Variants in NRXN1 observed in about 807,000 individuals in gnomAD.
NRXN1 encodes the protein neurexin 1, also known as neurexin-1.
A neutral mutation model predicts 150.9 loss-of-function variants in NRXN1; 39 were observed. The observed-to-expected ratio is 0.26, with a 90% CI of 0.20 to 0.34. The LOEUF (loss-of-function observed/expected upper bound fraction) is 0.34. NRXN1 is among the 10% of genes least tolerant of loss of function. NRXN1 has a pLI of 1.00. For missense variants in NRXN1, 1,815 were observed against 1,949.9 expected (o/e 0.93, Z 1.30); for synonymous variants, 924 against 757.0 (o/e 1.22, Z -3.62).
chr2:50,810,384 G>T (rs1196247183), intron 5 of NRXN1, among the ~76,000 whole-genome samples: 2 of 152,100 alleles, frequency 1.3e-5, no homozygotes, highest in Non-Finnish European at 2.9e-5. Flanking sequence ...ATACTTTGCA[G>T]TTCTCTGAAA....
At chr2:50,198,306 C>T (rs1401371586) in intron 18 of NRXN1, among the ~76,000 whole-genome samples, 1 of 152,066 alleles carries the variant, frequency 6.6e-6, no homozygotes, top group African/African-American at 2.4e-5. Flanking sequence ...TCACTCATTT[C>T]ATAGGATGAG....
chr2:50,088,587 G>C (rs1167863430), intron 19 of NRXN1, among the ~76,000 whole-genome samples: 1 of 152,102 alleles, frequency 6.6e-6, no homozygotes, highest in Admixed American at 6.5e-5. Flanking sequence ...AATGTTGAAA[G>C]TTGTATCTGA....
intron 18 of NRXN1, among the ~76,000 whole-genome samples, chr2:50,166,088 C>T (rs1306675706): frequency 6.6e-6 from 1 of 152,082 alleles, no homozygotes; most frequent in African/African-American, 2.4e-5. Context: ...ATCCAAAATG[C>T]TCCATAATCT....
chr2:50,452,911 T>G (rs2104546714), intron 17 of NRXN1, among the ~76,000 whole-genome samples: 1 of 152,344 alleles, frequency 6.6e-6, no homozygotes, highest in South Asian at 2.1e-4. Flanking sequence ...AGGGAAAATT[T>G]TGCCTTGAAT....
chr2:50,774,001 T>C (rs1035538566), intron 5 of NRXN1, among the ~76,000 whole-genome samples: 1 of 152,234 alleles, frequency 6.6e-6, no homozygotes, highest in South Asian at 2.1e-4. Flanking sequence ...ACGACCCGGA[T>C]GCTAAATAAA....
chr2:49,951,305 C>CA (rs1332296826), intron 21 of NRXN1, among the ~76,000 whole-genome samples: 1 of 151,892 alleles, frequency 6.6e-6, no homozygotes, highest in Non-Finnish European at 1.5e-5. Context: ...AACCTGCTGT[C>CA]AGGGAACTTG....
At chr2:50,698,623 C>A (rs1005353024) in intron 5 of NRXN1, among the ~76,000 whole-genome samples, 1 of 152,100 alleles carries the variant, frequency 6.6e-6, no homozygotes, top group African/African-American at 2.4e-5. Flanking sequence ...ATACAACAAA[C>A]ATAAACTTCT....
At chr2:50,316,912 A>T (rs2152969627) in intron 17 of NRXN1, among the ~76,000 whole-genome samples, 2 of 152,124 alleles carry the variant, frequency 1.3e-5, no homozygotes, top group Middle Eastern at 6.8e-3. Context: ...CTTTTAGGTA[A>T]CTTTTTTATG....
At chr2:50,987,636 C>T (rs1246801372) in intron 2 of NRXN1, among the ~76,000 whole-genome samples, 1 of 151,982 alleles carries the variant, frequency 6.6e-6, no homozygotes, top group Non-Finnish European at 1.5e-5. Context: ...TCCCACTCTA[C>T]ATTCACTTTG....
chr2:50,469,054 A>C (rs937607865), intron 16 of NRXN1, among the ~76,000 whole-genome samples: 1 of 151,608 alleles, frequency 6.6e-6, no homozygotes, highest in Non-Finnish European at 1.5e-5. Context: ...TCTGCTACAT[A>C]AACAGAAAAA....
rs144257401 is a variant in NRXN1 at position 50,931,286 on chromosome 2, T to C, written c.773-5331A>G. Among the ~76,000 whole-genome samples the C allele has an allele frequency of 2.8e-4, 43 of 152,266 alleles. 1 individual carries two copies. The highest frequency in any genetic ancestry group is 1.0e-3 in the African/African-American group (42 of 41,572). On this transcript the variant is annotated intron_variant, in intron 2 of 22. Coordinates refer to ENST00000401669, the MANE Select transcript of NRXN1 (RefSeq NM_001330078.2). The stretch of plus-strand genomic sequence containing the variant: ...CTAAATATTAAAATACTCTTAACTT[T>C]ATTATTCTATACCTGGGTTCTTAGA...
At chr2:50,895,600 G>C (rs1034682216) in intron 5 of NRXN1, among the ~76,000 whole-genome samples, 2 of 148,384 alleles carry the variant, frequency 1.3e-5, no homozygotes, top group African/African-American at 4.9e-5. Flanking sequence ...TTTTTTTTGA[G>C]ATGGAACTTT....
At chr2:50,539,148 C>A (rs1240573653) in intron 9 of NRXN1, among the ~76,000 whole-genome samples, 1 of 144,696 alleles carries the variant, frequency 6.9e-6, no homozygotes, top group Non-Finnish European at 1.5e-5. Context: ...GCTGTATAAA[C>A]CTATTGATTA....
At chr2:50,743,079 G>C (rs1278791421) in intron 5 of NRXN1, among the ~76,000 whole-genome samples, 3 of 152,152 alleles carry the variant, frequency 2.0e-5, no homozygotes, top group African/African-American at 7.2e-5. Context: ...TCACTATAGA[G>C]AGATGACAAC....
chr2:50,629,217 G>T (rs1681782846), intron 5 of NRXN1, among the ~76,000 whole-genome samples: 1 of 151,616 alleles, frequency 6.6e-6, no homozygotes, highest in African/African-American at 2.4e-5. Flanking sequence ...TAACACTACT[G>T]AAATAACAAC....
intron 17 of NRXN1, among the ~76,000 whole-genome samples, chr2:50,435,978 T>C (rs2085385091): frequency 6.6e-6 from 1 of 152,096 alleles, no homozygotes; most frequent in Admixed American, 6.6e-5. Flanking sequence ...ATAGAAAATA[T>C]CATGTAGTCA....
intron 21 of NRXN1, among the ~76,000 whole-genome samples, chr2:50,028,501 C>A (rs1688717294): frequency 6.6e-6 from 1 of 152,160 alleles, no homozygotes; most frequent in Admixed American, 6.5e-5. Context: ...CATAGTGTGT[C>A]CTACTGAATA....
At chr2:50,660,968 A>G (rs1401423035) in intron 5 of NRXN1, among the ~76,000 whole-genome samples, 1 of 152,026 alleles carries the variant, frequency 6.6e-6, no homozygotes, top group African/African-American at 2.4e-5. Flanking sequence ...TTAAAATATC[A>G]TTGCAAGTTC....
At chr2:49,995,917 C>A (rs367645304) in intron 21 of NRXN1, among the ~76,000 whole-genome samples, 13 of 145,170 alleles carry the variant, frequency 9.0e-5, no homozygotes, top group Admixed American at 2.7e-4. Flanking sequence ...AGTGTATGCC[C>A]CTTGGGTCTC....
Sources: gnomAD v4.1 joint callset for allele counts (sites outside exome capture counted in the v4.1 genomes callset) on GRCh38, gnomAD v4.1.1 for gene constraint, MANE v1.5 for transcripts, NCBI Gene and HGNC (gene_info 2026-07-23, HGNC 2026-07-21) for gene names.